Variants in C14orf132 observed in about 807,000 individuals in gnomAD.
C14orf132 encodes chromosome 14 open reading frame 132.
C14orf132 carries 6 observed loss-of-function variants against 5.8 expected under a neutral mutation model. That is an observed-to-expected ratio of 1.03 (90% CI 0.57 to 2.04). The LOEUF is 2.04. Ranked by LOEUF, C14orf132 falls within the 30% of genes most tolerant of loss-of-function variation. The probability of loss-of-function intolerance (pLI) is 0.00; values close to 1 mark genes in which losing one functional copy is unlikely to be tolerated. For missense variants in C14orf132, 125 were observed against 115.8 expected (o/e 1.08, Z -0.37); for synonymous variants, 51 against 49.8 (o/e 1.02, Z -0.10).
intron 1 of C14orf132, among the ~76,000 whole-genome samples, chr14:96,086,089 T>C (rs912509774): frequency 8.5e-5 from 13 of 152,310 alleles, no homozygotes; most frequent in African/African-American, 3.1e-4. Context: ...GATTCTCATT[T>C]TTTATCCTGT....
intron 1 of C14orf132, among the ~76,000 whole-genome samples, chr14:96,068,192 C>T (rs1023535381): frequency 2.0e-5 from 3 of 152,164 alleles, no homozygotes; most frequent in Admixed American, 1.3e-4. Flanking sequence ...CAGAAAGGCT[C>T]GGTAGCTCCC....
intron 1 of C14orf132, among the ~76,000 whole-genome samples, chr14:96,057,320 A>G (rs1887214154): frequency 6.6e-6 from 1 of 152,210 alleles, no homozygotes; most frequent in African/African-American, 2.4e-5. Context: ...AAGGCACAAA[A>G]GCAGAGAGCA....
chr14:96,050,559 C>T (rs1886997755), intron 1 of C14orf132, among the ~76,000 whole-genome samples: 1 of 152,080 alleles, frequency 6.6e-6, no homozygotes, highest in Non-Finnish European at 1.5e-5. Context: ...TTTGAGTGGT[C>T]CCTCTCTCAA....
rs1050574579 is a variant in C14orf132, at chr14:96,088,368, G to T, written c.*1633G>T. ...CTGTCACTGCCACCGTATATCATCT[G>T]CCAGTGCATCAGCTTAAGGGGAGGT... On this transcript the variant is annotated 3_prime_UTR_variant, in exon 2 of 2. Transcript: ENST00000555004. 1 of 152,200 alleles carries T rather than the reference G, an allele frequency of 6.6e-6. No individual in the cohort carries two copies. Among genetic ancestry groups the T allele is most frequent in the Non-Finnish European group, 1.5e-5 (1 of 68,048 alleles). The allele number at this position is 152,200 out of a possible 1,614,324, so 9.4% of individuals were successfully genotyped here.
chr14:96,057,564 A>G (rs186431537), intron 1 of C14orf132, among the ~76,000 whole-genome samples: 5 of 152,208 alleles, frequency 3.3e-5, no homozygotes, highest in Non-Finnish European at 5.9e-5. Context: ...GTTCAGGCTG[A>G]AGGAGCTCAT....
At chr14:96,085,701 G>T (rs371021198) in intron 1 of C14orf132, among the ~76,000 whole-genome samples, 1 of 152,286 alleles carries the variant, frequency 6.6e-6, no homozygotes, top group South Asian at 2.1e-4. Flanking sequence ...GTGTGTCGGG[G>T]AGTCTGCCCT....
chr14:96,044,204 T>C (rs1886773771), intron 1 of C14orf132, among the ~76,000 whole-genome samples: 1 of 152,228 alleles, frequency 6.6e-6, no homozygotes, highest in Non-Finnish European at 1.5e-5. Context: ...GACACGGTCT[T>C]GTTCTGTTGC....
intron 1 of C14orf132, among the ~76,000 whole-genome samples, chr14:96,081,912 TTTG>T (rs1225834875): frequency 1.3e-5 from 2 of 152,136 alleles, no homozygotes; most frequent in Non-Finnish European, 2.9e-5. Flanking sequence ...CAAATGTTTT[TTTG>T]TTGTTGTTGT....
Position 96,086,527 on chromosome 14 carries a change from G to T in C14orf132, c.44G>T (p.Gly15Val). The change falls in exon 2 of 2, where the codon GGA (glycine) becomes GTA (valine). Residue 15 changes from glycine (G) to valine (V), a missense_variant. Transcript: ENST00000555004. ...FMAAQLPMMG[G>V]AFMDSPNEDF... Reference sequence around the variant, plus strand: ...TCTTTGCAGCTGCCCATGATGGGGGGAGCTTTCATGGACTCGCCCAACGAG... The same window carrying T: ...TCTTTGCAGCTGCCCATGATGGGGGTAGCTTTCATGGACTCGCCCAACGAG... 6.5e-7 allele frequency: 1 copy of T among 1,536,070 alleles called. No homozygotes were observed. Among genetic ancestry groups the T allele is most frequent in the African/African-American group, 1.4e-5 (1 of 73,132 alleles).
At chr14:96,086,412 C>A in intron 1 of C14orf132, 99 bp from the exon 2 acceptor site, 1 of 1,051,540 alleles carries the variant, frequency 9.5e-7, no homozygotes, top group Non-Finnish European at 1.4e-6. Flanking sequence ...GAGATCGTAG[C>A]TTCATGTGGG....
At chr14:96,058,251 C>T (rs983064845) in intron 1 of C14orf132, among the ~76,000 whole-genome samples, 2 of 152,144 alleles carry the variant, frequency 1.3e-5, no homozygotes, top group African/African-American at 4.8e-5. Flanking sequence ...GTCCAACTTA[C>T]TCACAAACAC....
chr14:96,072,176 C>G (rs1033294369), intron 1 of C14orf132, among the ~76,000 whole-genome samples: 1 of 152,232 alleles, frequency 6.6e-6, no homozygotes, highest in African/African-American at 2.4e-5. Context: ...GGAGAGTTGT[C>G]GCATGTTCTG....
chr14:96,068,841 G>C (rs993673624), intron 1 of C14orf132, among the ~76,000 whole-genome samples: 2 of 152,132 alleles, frequency 1.3e-5, no homozygotes, highest in African/African-American at 4.8e-5. Context: ...GTCCATGACA[G>C]TGTTTCTGGA....
chr14:96,055,444 C>A (rs149184633), intron 1 of C14orf132, among the ~76,000 whole-genome samples: 1 of 152,182 alleles, frequency 6.6e-6, no homozygotes, highest in African/African-American at 2.4e-5. Context: ...TAGTCCAGAA[C>A]AGAGACTATC....
chr14:96,083,882 G>A (rs1469344601), intron 1 of C14orf132, among the ~76,000 whole-genome samples: 2 of 152,202 alleles, frequency 1.3e-5, no homozygotes, highest in Admixed American at 6.5e-5. Context: ...GCAGAGGCTG[G>A]AGGGCATCAC....
intron 1 of C14orf132, among the ~76,000 whole-genome samples, chr14:96,049,317 G>T (rs151020091): frequency 6.6e-6 from 1 of 151,720 alleles, no homozygotes; most frequent in Non-Finnish European, 1.5e-5. Context: ...TTTTTAAATG[G>T]AGTGTTGAAG....
intron 1 of C14orf132, among the ~76,000 whole-genome samples, chr14:96,060,973 T>A (rs1204952549): frequency 6.6e-6 from 1 of 152,142 alleles, no homozygotes; most frequent in Non-Finnish European, 1.5e-5. Flanking sequence ...ATTCTCAAGT[T>A]TGAAAAAGTC....
In C14orf132 at chr14:96,090,967, T is replaced by G. The variant is rs1331238573; in HGVS notation, c.*4232T>G. 21 of 456,028 alleles carry G rather than the reference T, an allele frequency of 4.6e-5. No homozygotes were observed. The highest frequency in any genetic ancestry group is 4.8e-5 in the Non-Finnish European group (11 of 226,818). 28.2% of individuals were successfully genotyped at this position (456,028 alleles called of 1,614,324 possible). ...TATTCCCAGTTATTATTCTTACCGGTGCCAGTTTTGCACATCTTTTTGTTG... is the reference window on the plus strand; with the variant it reads ...TATTCCCAGTTATTATTCTTACCGGGGCCAGTTTTGCACATCTTTTTGTTG... On this transcript the variant is annotated 3_prime_UTR_variant, in exon 2 of 2. Coordinates refer to ENST00000555004, the MANE Select transcript of C14orf132 (RefSeq NM_001252507.3).
chr14:96,078,161 C>T (rs1266982160), intron 1 of C14orf132, among the ~76,000 whole-genome samples: 3 of 152,228 alleles, frequency 2.0e-5, no homozygotes, highest in African/African-American at 4.8e-5. Flanking sequence ...CAAGGGAGCC[C>T]CCACACTCTT....
Sources: allele counts gnomAD v4.1 joint callset (sites outside exome capture counted in the v4.1 genomes callset), GRCh38; gene constraint gnomAD v4.1.1; transcripts MANE v1.5; gene names NCBI Gene and HGNC (gene_info 2026-07-23, HGNC 2026-07-21).